The following ADAM9 variants were observed in gnomAD, a reference collection of about 807,000 sequenced individuals.
ADAM9 encodes the protein ADAM metallopeptidase domain 9, also known as disintegrin and metalloproteinase domain-containing protein 9.
In ADAM9, 54 loss-of-function variants were observed where a neutral mutation model predicts 108.1. That is an observed-to-expected ratio of 0.50 (90% confidence interval 0.40 to 0.63). ADAM9 has a LOEUF of 0.63. Among genes scored for constraint, ADAM9 ranks in the 20% least tolerant of loss-of-function variants. The pLI, the probability that ADAM9 is intolerant of heterozygous loss-of-function variation, is 0.00. For missense variants in ADAM9, 830 were observed against 997.7 expected (o/e 0.83, Z 2.26); for synonymous variants, 316 against 336.0 (o/e 0.94, Z 0.65).
At chr8:39,059,067 A>C (rs189461455) in intron 14 of ADAM9, among the ~76,000 whole-genome samples, 1 of 152,344 alleles carries the variant, frequency 6.6e-6, no homozygotes, top group African/African-American at 2.4e-5. Context: ...GAACATGGTA[A>C]GGCCAGTGAA....
At chr8:39,029,718 G>C (rs958811302) in intron 11 of ADAM9, among the ~76,000 whole-genome samples, 2 of 152,144 alleles carry the variant, frequency 1.3e-5, no homozygotes, top group African/African-American at 2.4e-5. Context: ...TTGTGTCCCA[G>C]GTACAAATCT....
At chr8:39,017,147 GA>G in intron 5 of ADAM9, 71 bp from the exon 6 acceptor site, 1 of 1,525,832 alleles carries the variant, frequency 6.6e-7, no homozygotes, top group Non-Finnish European at 9.1e-7. Context: ...ATTAGGACTT[GA>G]ACTTAGGTTT....
At chr8:39,094,347 G>A (rs1839438546) in intron 20 of ADAM9, among the ~76,000 whole-genome samples, 1 of 152,106 alleles carries the variant, frequency 6.6e-6, no homozygotes, top group Non-Finnish European at 1.5e-5. Context: ...GAAGATTTTT[G>A]CATCTGTGTT....
chr8:39,007,127 T>G (rs1836188322), intron 1 of ADAM9, among the ~76,000 whole-genome samples: 1 of 152,158 alleles, frequency 6.6e-6, no homozygotes, highest in Non-Finnish European at 1.5e-5. Flanking sequence ...CTGCTTCCAT[T>G]CATGGCAGAA....
intron 12 of ADAM9, among the ~76,000 whole-genome samples, chr8:39,042,624 C>T (rs913207701): frequency 2.0e-5 from 3 of 151,782 alleles, no homozygotes; most frequent in Non-Finnish European, 4.4e-5. Context: ...CGTTTATTTC[C>T]CCCATAAATC....
intron 2 of ADAM9, among the ~76,000 whole-genome samples, chr8:39,009,739 T>C (rs1028136579): frequency 6.6e-6 from 1 of 152,212 alleles, no homozygotes; most frequent in Non-Finnish European, 1.5e-5. Flanking sequence ...CATTCAACAG[T>C]GAATGTAATT....
At chr8:39,011,626 T>G in intron 2 of ADAM9, 32 bp from the exon 3 acceptor site, 1 of 1,572,148 alleles carries the variant, frequency 6.4e-7, no homozygotes, top group Non-Finnish European at 8.7e-7. Context: ...TTTAAGATGA[T>G]GTTTTATTCT....
At chr8:39,002,954 C>G (rs568858329) in intron 1 of ADAM9, among the ~76,000 whole-genome samples, 6 of 152,096 alleles carry the variant, frequency 3.9e-5, no homozygotes, top group African/African-American at 1.4e-4. Context: ...TCTCAGCTCA[C>G]TGCAACCTCC....
chr8:39,089,039 G>T (rs752771678), intron 18 of ADAM9, among the ~76,000 whole-genome samples: 4 of 152,140 alleles, frequency 2.6e-5, no homozygotes, highest in Non-Finnish European at 5.9e-5. Flanking sequence ...CATGAGGTCA[G>T]GAGTTGGAGA....
At chr8:39,068,675 CAAAAAAAAAAAAAAAAAAAAAAAAAAA>C (rs562274321) in intron 14 of ADAM9, among the ~76,000 whole-genome samples, 1 of 42,010 alleles carries the variant, frequency 2.4e-5, no homozygotes, top group East Asian at 1.1e-3. Flanking sequence ...AACTTCTCCT[CAAAAAAAAAAAAAAAAAAAAAAAAAAA>C]AAAAAAAAAA....
intron 1 of ADAM9, among the ~76,000 whole-genome samples, chr8:39,001,949 T>C (rs549955521): frequency 3.5e-4 from 53 of 150,032 alleles, no homozygotes; most frequent in Admixed American, 6.0e-4. Flanking sequence ...ATTACAGGCA[T>C]GAGCCACCAC....
chr8:39,011,795 T>G (rs1836363782), intron 3 of ADAM9, 79 bp downstream of exon 3: 1 of 1,328,732 alleles, frequency 7.5e-7, no homozygotes, highest in Non-Finnish European at 1.1e-6. Flanking sequence ...TTTGATATGG[T>G]TTAGTGGATC....
At chr8:39,045,375 T>TACACCTATAGGTGTGTGTACAC (rs1564301070) in intron 12 of ADAM9, among the ~76,000 whole-genome samples, 1 of 17,324 alleles carries the variant, frequency 5.8e-5, no homozygotes, top group Non-Finnish European at 1.1e-4. Flanking sequence ...TGTGTGTACA[T>TACACCTATAGGTGTGTGTACAC]ACACCTATAG....
At chr8:39,016,018 A>C in intron 4 of ADAM9, 100 bp from the exon 5 acceptor site, 1 of 1,097,404 alleles carries the variant, frequency 9.1e-7, no homozygotes, top group South Asian at 1.3e-5. Flanking sequence ...GTTATTATTA[A>C]ACTTGACTGG....
At chr8:39,011,252 T>A (rs1298165264) in intron 2 of ADAM9, among the ~76,000 whole-genome samples, 1 of 152,090 alleles carries the variant, frequency 6.6e-6, no homozygotes, top group Non-Finnish European at 1.5e-5. Flanking sequence ...ATAAAAGGAG[T>A]TGAATTTCTT....
At chr8:39,038,463 C>T (rs1050788707) in intron 11 of ADAM9, among the ~76,000 whole-genome samples, 8 of 152,174 alleles carry the variant, frequency 5.3e-5, no homozygotes, top group Admixed American at 5.2e-4. Context: ...GTCCTGACTG[C>T]CCTTTTAAAA....
In ADAM9 at chr8:39,023,175, T is replaced by C. The variant is rs764342214; in HGVS notation, c.764T>C (p.Ile255Thr). 6.2e-7 allele frequency: 1 copy of C among 1,612,858 alleles called. No homozygotes were observed. The highest frequency in any genetic ancestry group is 2.2e-5 in the East Asian group (1 of 44,870). The change falls in exon 9 of 22, where the codon ATT becomes ACT. Residue 255 changes from isoleucine to threonine, a missense_variant. Ile to Thr is a moderately conservative substitution (Grantham distance 89). Coordinates refer to ENST00000487273, the MANE Select transcript of ADAM9 (RefSeq NM_003816.3). ...YLDSMYIMLN[I>T]RIVLVGLEIW... is the part of the protein sequence containing the mutation. ...TCCCAGATGTATATTATGTTAAATA[T>C]TCGAATTGTGCTAGTTGGACTGGAG...
intron 14 of ADAM9, 83 bp downstream of exon 14, chr8:39,055,855 A>G: frequency 7.2e-7 from 1 of 1,387,546 alleles, no homozygotes; most frequent in Non-Finnish European, 9.9e-7. Context: ...ATGAAACATT[A>G]TTGATAAAGT....
At chr8:39,000,273 T>C (rs1835955042) in intron 1 of ADAM9, among the ~76,000 whole-genome samples, 1 of 152,184 alleles carries the variant, frequency 6.6e-6, no homozygotes, top group Non-Finnish European at 1.5e-5. Context: ...ACTACAGGCA[T>C]GAGCCACCGC....
Sources: gnomAD v4.1 joint callset for allele counts (sites outside exome capture counted in the v4.1 genomes callset) on GRCh38, gnomAD v4.1.1 for gene constraint, MANE v1.5 for transcripts, NCBI Gene and HGNC (gene_info 2026-07-23, HGNC 2026-07-21) for gene names.